HIBCH: variants seen among roughly 807,000 people sequenced by gnomAD.
The protein encoded by HIBCH is 3-hydroxyisobutyryl-CoA hydrolase, also known as 3-hydroxyisobutyryl-CoA hydrolase, mitochondrial.
HIBCH carries 50 observed loss-of-function variants against 58.2 expected under a neutral mutation model. The ratio of observed to expected loss-of-function variants is 0.86; its 90% confidence interval spans 0.68 to 1.09. HIBCH has a LOEUF of 1.09. HIBCH is among the 50% of genes least tolerant of loss of function. The pLI, the probability that HIBCH is intolerant of heterozygous loss-of-function variation, is 0.00. For synonymous variants in HIBCH, 151 were observed against 146.9 expected, an observed-to-expected ratio of 1.03 and a Z score of -0.20; for missense variants, 450 against 449.7, an observed-to-expected ratio of 1.00 and a Z score of -0.01.
At chr2:190,199,908 T>G (rs1185711308), downstream of HIBCH, 3 of 1,614,026 alleles carry the variant, frequency 1.9e-6, no homozygotes, top group East Asian at 6.7e-5. Flanking sequence ...CTACCATATA[T>G]GAAGGTGAGA....
Position 190,315,981 on chromosome 2 carries a change from TAAAGGTATATC to T in HIBCH, c.35+3724_35+3734del, listed in dbSNP as rs748843710. Among the ~76,000 whole-genome samples, 3 of 152,064 alleles carry T rather than the reference TAAAGGTATATC, an allele frequency of 2.0e-5. No individual in the cohort carries two copies. The highest frequency in any genetic ancestry group is 4.4e-5 in the Non-Finnish European group (3 of 68,004). On this transcript the variant is annotated intron_variant, in intron 1 of 13. Transcript: ENST00000359678. The surrounding 1 kb of genome is among the most constrained non-coding windows in gnomAD (Gnocchi z 5.4). ...TAGAGGTTGAAAGAAAAGTTAGAAC[TAAAGGTATATC>T]TTATGCCACATGCATGTACAATCAC...
intron 5 of HIBCH, among the ~76,000 whole-genome samples, chr2:190,290,184 T>C (rs1390799413): frequency 1.3e-5 from 2 of 152,100 alleles, no homozygotes; most frequent in Admixed American, 1.3e-4. Flanking sequence ...TGGCCTCATA[T>C]TGATTTTATA....
At chr2:190,298,404 C>T (rs2124827717) in intron 2 of HIBCH, among the ~76,000 whole-genome samples, 1 of 152,314 alleles carries the variant, frequency 6.6e-6, no homozygotes, top group Non-Finnish European at 1.5e-5. Context: ...CGCAGCCTCA[C>T]CAGCATCTGT....
Position 190,252,289 on chromosome 2 carries a change from C to G in HIBCH, c.536G>C (p.Gly179Ala). The G allele has an allele frequency of 6.2e-7, 1 of 1,613,044 alleles. No individual in the cohort carries two copies. Among genetic ancestry groups the G allele is most frequent in the Non-Finnish European group, 8.5e-7 (1 of 1,179,126 alleles). Residue 179 changes from glycine to alanine, a missense_variant, in exon 8 of 14, where the codon GGT (glycine) becomes GCT (alanine). Gly to Ala is a moderately conservative substitution (Grantham distance 60). Transcript: ENST00000359678. ...GAGTCGTGGCAAGAAATAACCTCCA[C>G]CCACATCAGGGAACAGTCCTGTAAT... ...ETAIGLFPDV[G>A]GGYFLPRLQG...
chr2:190,267,954 C>A (rs1687288472), intron 6 of HIBCH, among the ~76,000 whole-genome samples: 1 of 152,116 alleles, frequency 6.6e-6, no homozygotes, highest in African/African-American at 2.4e-5. Context: ...GTGCCCTTAG[C>A]CTGAACACCT....
chr2:190,193,250 A>G (rs1329496901), intron 1 of HIBCH, among the ~76,000 whole-genome samples: 2 of 152,058 alleles, frequency 1.3e-5, no homozygotes, highest in Non-Finnish European at 2.9e-5. Flanking sequence ...ATAGTGAATT[A>G]TATCTATTGT....
rs1274425714 is a variant in HIBCH at position 190,206,706 on chromosome 2, T to C, written c.1046-1474A>G. 6.6e-6 allele frequency among the ~76,000 whole-genome samples: 1 copy of C among 152,242 alleles called. No homozygotes were observed. The highest frequency in any genetic ancestry group is 2.4e-5 in the African/African-American group (1 of 41,466). Reference sequence around the variant, plus strand: ...TTAAATTTGCTAACTTACTTTAACTTGCTAATATGTTTTTATTATTAGCAA... The same window carrying C: ...TTAAATTTGCTAACTTACTTTAACTCGCTAATATGTTTTTATTATTAGCAA... On this transcript the variant is annotated intron_variant, in intron 13 of 13. Transcript: ENST00000359678. This position sits in a 1 kb window ranked among gnomAD's most constrained non-coding sequence, Gnocchi z 5.1.
chr2:190,262,013 AAGGTTCTT>A (rs1446673867), intron 6 of HIBCH, among the ~76,000 whole-genome samples: 1 of 152,164 alleles, frequency 6.6e-6, no homozygotes, highest in Non-Finnish European at 1.5e-5. Context: ...TGAATTAGAT[AAGGTTCTT>A]CTTACTCTTA....
At chr2:190,298,545 G>A (rs760456529) in intron 2 of HIBCH, among the ~76,000 whole-genome samples, 2 of 151,738 alleles carry the variant, frequency 1.3e-5, no homozygotes, top group South Asian at 2.1e-4. Context: ...TATACATGTC[G>A]TCTTTTGAGA....
At chr2:190,312,971 C>T (rs1349978176) in intron 1 of HIBCH, among the ~76,000 whole-genome samples, 2 of 152,140 alleles carry the variant, frequency 1.3e-5, no homozygotes, top group African/African-American at 4.8e-5. Context: ...TGGTGGTGGG[C>T]GCCTGTAATC....
At chr2:190,252,082 C>A in intron 8 of HIBCH, 80 bp downstream of exon 8, 2 of 1,354,002 alleles carry the variant, frequency 1.5e-6, no homozygotes, top group East Asian at 4.6e-5. Context: ...CTGTGGCTCT[C>A]AACCACCCAT....
intron 11 of HIBCH, among the ~76,000 whole-genome samples, chr2:190,239,851 T>C (rs1359691269): frequency 6.6e-6 from 1 of 152,148 alleles, no homozygotes; most frequent in Non-Finnish European, 1.5e-5. Flanking sequence ...GGTTTCACCA[T>C]GCTAGCCAGG....
At chr2:190,228,107 T>C (rs574069128) in intron 11 of HIBCH, among the ~76,000 whole-genome samples, 3 of 152,266 alleles carry the variant, frequency 2.0e-5, no homozygotes, top group Admixed American at 1.3e-4. Flanking sequence ...CACACATATG[T>C]TTATTGTGGC....
At chr2:190,199,641 T>TC, downstream of HIBCH, 1 of 1,161,150 alleles carries the variant, frequency 8.6e-7, no homozygotes. Flanking sequence ...TGCCACTCAA[T>TC]CATACACTAT....
At chr2:190,271,242 A>G (rs1390684038) in intron 6 of HIBCH, among the ~76,000 whole-genome samples, 1 of 137,302 alleles carries the variant, frequency 7.3e-6, no homozygotes, top group African/African-American at 2.8e-5. Flanking sequence ...AAATCTCCCT[A>G]TCTCCCTCTT....
intron 4 of HIBCH, 135 bp from the exon 5 acceptor site, chr2:190,290,620 G>GC: frequency 1.5e-6 from 1 of 672,504 alleles, no homozygotes; most frequent in Non-Finnish European, 2.6e-6. Context: ...TTTTGAAGTT[G>GC]CCCCTGCCAC....
rs1114863 is a variant in HIBCH at position 190,281,457 on chromosome 2, C to A, written c.438+6129G>T. ...GGGCGGTAAGCTTATAGGGGGAGGCCCAAGTCCATCACCCAAAACCATTTG... is the reference window on the plus strand; with the variant it reads ...GGGCGGTAAGCTTATAGGGGGAGGCACAAGTCCATCACCCAAAACCATTTG... On this transcript the variant is annotated intron_variant, in intron 6 of 13. Coordinates refer to ENST00000359678, the MANE Select transcript of HIBCH (RefSeq NM_014362.4). This position sits in a 1 kb window ranked among gnomAD's most constrained non-coding sequence, Gnocchi z 5.4. 0.72 allele frequency among the ~76,000 whole-genome samples: 109,003 copies of A among 152,004 alleles called. 39,652 individuals are homozygous for A. The highest frequency in any genetic ancestry group is 0.75 in the Non-Finnish European group (51,177 of 67,980).
At chr2:190,264,015 C>T (rs1356934499) in intron 6 of HIBCH, among the ~76,000 whole-genome samples, 1 of 152,158 alleles carries the variant, frequency 6.6e-6, no homozygotes, top group Non-Finnish European at 1.5e-5. Flanking sequence ...CCTCTCTTGC[C>T]CAGGCTGGTG....
At chr2:190,318,778 C>T (rs1465000435) in intron 1 of HIBCH, among the ~76,000 whole-genome samples, 4 of 152,142 alleles carry the variant, frequency 2.6e-5, no homozygotes, top group East Asian at 1.9e-4. Context: ...TAAATCTCTC[C>T]ATGAGCTGGT....
Sources: allele counts gnomAD v4.1 joint callset (sites outside exome capture counted in the v4.1 genomes callset), GRCh38; gene constraint gnomAD v4.1.1; non-coding constraint Gnocchi (gnomAD v3.1); transcripts MANE v1.5; gene names NCBI Gene and HGNC (gene_info 2026-07-23, HGNC 2026-07-21).